MFSD8: variants seen among roughly 807,000 people sequenced by gnomAD.
The protein encoded by MFSD8 is major facilitator superfamily domain containing 8.
A neutral mutation model predicts 66.4 loss-of-function variants in MFSD8; 55 were observed. That is an observed-to-expected ratio of 0.83 (90% CI 0.67 to 1.04). The LOEUF (loss-of-function observed/expected upper bound fraction) is 1.04. MFSD8 is among the 50% of genes least tolerant of loss of function. MFSD8 has a pLI of 0.00. For missense variants in MFSD8, 550 were observed against 627.6 expected (o/e 0.88, Z 1.32); for synonymous variants, 202 against 212.8 (o/e 0.95, Z 0.44).
chr4:127,965,400 G>A (rs539462242), upstream of MFSD8: 558 of 579,312 alleles, frequency 9.6e-4, 5 homozygotes, highest in South Asian at 1.0e-2. Flanking sequence ...AGCTCGGGGC[G>A]TGTCCAAACT....
chr4:127,932,748 G>A (rs1738368002), intron 8 of MFSD8: 1 of 380,462 alleles, frequency 2.6e-6, no homozygotes, highest in East Asian at 5.3e-5. Context: ...AAGAGGGAAA[G>A]AGTAGTGAAA....
intron 1 of MFSD8, among the ~76,000 whole-genome samples, chr4:127,963,309 T>C (rs1363345205): frequency 6.6e-6 from 1 of 152,196 alleles, no homozygotes; most frequent in Admixed American, 6.5e-5. Context: ...ATTTTGAAAC[T>C]GTGAAATCTG....
At chr4:127,941,357 A>G (rs1453807382) in intron 5 of MFSD8, among the ~76,000 whole-genome samples, 1 of 152,202 alleles carries the variant, frequency 6.6e-6, no homozygotes, top group African/African-American at 2.4e-5. Context: ...TAACTTCAAT[A>G]TTCAAAATAT....
At chr4:127,946,221 T>G (rs1741010023) in intron 3 of MFSD8, among the ~76,000 whole-genome samples, 1 of 152,046 alleles carries the variant, frequency 6.6e-6, no homozygotes, top group East Asian at 1.9e-4. Context: ...GTCACAGCAC[T>G]GGGCCTGATA....
intron 8 of MFSD8, chr4:127,932,285 T>A (rs1404877213): frequency 1.3e-5 from 2 of 152,192 alleles, no homozygotes; most frequent in Non-Finnish European, 2.9e-5. Flanking sequence ...CACAATGTAT[T>A]AACAAGTAAA....
chr4:127,933,403 C>T (rs1264891555), intron 7 of MFSD8: 1 of 240,570 alleles, frequency 4.2e-6, no homozygotes, highest in Non-Finnish European at 8.2e-6. Flanking sequence ...ACTACCACGC[C>T]CAGCTAATTT....
At chr4:127,965,199 T>G, upstream of MFSD8, 1 of 1,597,360 alleles carries the variant, frequency 6.3e-7, no homozygotes, top group Non-Finnish European at 8.5e-7. Flanking sequence ...CCATCCCGGG[T>G]GGCGTGAAGC....
At chr4:127,941,355 A>G (rs1248883110) in intron 5 of MFSD8, among the ~76,000 whole-genome samples, 1 of 152,214 alleles carries the variant, frequency 6.6e-6, no homozygotes, top group Non-Finnish European at 1.5e-5. Flanking sequence ...CATAACTTCA[A>G]TATTCAAAAT....
chr4:127,965,374 A>G, upstream of MFSD8: 3 of 605,288 alleles, frequency 5.0e-6, no homozygotes, highest in South Asian at 5.8e-5. Flanking sequence ...CCTGACGGGG[A>G]CTGAGAGCCC....
chr4:127,961,162 C>T (rs1474406563), intron 1 of MFSD8, among the ~76,000 whole-genome samples: 1 of 152,152 alleles, frequency 6.6e-6, no homozygotes, highest in Non-Finnish European at 1.5e-5. Flanking sequence ...GTGACCTAGA[C>T]ATGTTTGTGC....
In MFSD8 at chr4:127,947,595, CAG is replaced by C. The variant is rs1021236241; in HGVS notation, c.198+2207_198+2208del. On this transcript the variant is annotated intron_variant, in intron 3 of 11. Transcript: ENST00000641686. The stretch of plus-strand genomic sequence containing the variant: ...TCCATTGCAAAAAAAAAAAAAAAAA[CAG>C]AGAGAGAGAGAAGGCTTTCCAGAGG... Among the ~76,000 whole-genome samples the C allele has an allele frequency of 8.4e-5, 11 of 130,892 alleles. No homozygotes were observed. In the East Asian group the frequency reaches 2.2e-3, roughly 26 times the overall value. 85.9% of individuals were successfully genotyped at this position (130,892 alleles called of 152,430 possible). A position where few individuals can be genotyped will look rare whatever the true frequency, so the allele number is the denominator to read the frequency against.
intron 9 of MFSD8, among the ~76,000 whole-genome samples, chr4:127,923,590 T>TATTA (rs1553944565): frequency 2.2e-4 from 32 of 146,878 alleles, no homozygotes; most frequent in African/African-American, 5.7e-4. Context: ...TTATTATTAT[T>TATTA]ATTATTTGAG....
intron 9 of MFSD8, among the ~76,000 whole-genome samples, chr4:127,927,374 C>A (rs1737385129): frequency 6.6e-6 from 1 of 152,124 alleles, no homozygotes; most frequent in African/African-American, 2.4e-5. Flanking sequence ...CGGGGTTTCA[C>A]CACGTTGGCC....
intron 9 of MFSD8, among the ~76,000 whole-genome samples, chr4:127,929,736 T>G (rs1190090731): frequency 2.0e-5 from 3 of 152,206 alleles, no homozygotes; most frequent in African/African-American, 4.8e-5. Flanking sequence ...GACCTAGTTT[T>G]CAATAGCTCA....
chr4:127,953,937 T>G (rs532122931), intron 2 of MFSD8, among the ~76,000 whole-genome samples: 1 of 152,174 alleles, frequency 6.6e-6, no homozygotes, highest in Non-Finnish European at 1.5e-5. Context: ...TTGGGGTAAA[T>G]AGAAAATATA....
rs140898763 is a variant in MFSD8 at position 127,956,554 on chromosome 4, C to G, written c.154+947G>C. 5.1e-3 allele frequency among the ~76,000 whole-genome samples: 774 copies of G among 150,298 alleles called. 4 individuals are homozygous for G. Among genetic ancestry groups the G allele is most frequent in the Non-Finnish European group, 8.2e-3 (554 of 67,700 alleles). ...ATATTTTTAACTGGGGGCGGTGACT[C>G]ACGCCTGTAATCGCAGCACTTTGGG... On this transcript the variant is annotated intron_variant, in intron 2 of 11. Transcript: ENST00000641686.
intron 8 of MFSD8, 77 bp downstream of exon 8, chr4:127,932,908 T>C (rs1738403193): frequency 3.1e-6 from 4 of 1,303,236 alleles, no homozygotes; most frequent in Non-Finnish European, 4.4e-6. Flanking sequence ...ATAACATCTA[T>C]ATGCCTAATT....
intron 4 of MFSD8, among the ~76,000 whole-genome samples, chr4:127,942,578 G>A (rs1241810951): frequency 6.6e-6 from 1 of 151,616 alleles, no homozygotes; most frequent in Non-Finnish European, 1.5e-5. Flanking sequence ...TACTCAGGAG[G>A]CTGAGGCAGA....
upstream of MFSD8, chr4:127,965,630 A>G (rs2276898): frequency 0.03 from 6,573 of 216,210 alleles, 462 homozygotes; most frequent in East Asian, 0.28. Flanking sequence ...CCGGTTAAGT[A>G]GTAGGTGCGC....
Sources: allele counts gnomAD v4.1 joint callset (sites outside exome capture counted in the v4.1 genomes callset), GRCh38; gene constraint gnomAD v4.1.1; transcripts MANE v1.5; gene names NCBI Gene and HGNC (gene_info 2026-07-23, HGNC 2026-07-21).